CALM2: variants seen among roughly 807,000 people sequenced by gnomAD.
CALM2 encodes the protein calmodulin 2.
Under a neutral mutation model 19.8 loss-of-function variants are expected in CALM2, and 2 were observed. The ratio of observed to expected loss-of-function variants is 0.10; its 90% CI spans 0.04 to 0.32. CALM2 has a LOEUF of 0.32. Among genes scored for constraint, CALM2 ranks in the 10% least tolerant of loss-of-function variants. CALM2 has a pLI of 1.00. For synonymous variants in CALM2, 51 were observed against 52.1 expected (o/e 0.98, Z 0.09); for missense variants, 38 against 178.7 (o/e 0.21, Z 4.49).
chr2:47,172,681 G>A (rs111462821), intron 1 of CALM2: 20 of 309,206 alleles, frequency 6.5e-5, no homozygotes, highest in Non-Finnish European at 1.1e-4. Context: ...CAGATGCAGC[G>A]GACATCACTT....
chr2:47,176,624 A>C (rs1666884896), upstream of CALM2: 1 of 1,512,288 alleles, frequency 6.6e-7, no homozygotes, highest in Non-Finnish European at 8.8e-7. Flanking sequence ...CCCTCCCCTC[A>C]AACTCTTCTC....
chr2:47,176,758 A>T, upstream of CALM2: 1 of 985,386 alleles, frequency 1.0e-6, no homozygotes, highest in Middle Eastern at 5.2e-4. Flanking sequence ...GCGGCCCCTG[A>T]GGGGCGCTAC....
At chr2:47,174,821 G>T (rs1166178683) in intron 1 of CALM2, among the ~76,000 whole-genome samples, 1 of 151,840 alleles carries the variant, frequency 6.6e-6, no homozygotes, top group African/African-American at 2.4e-5. Flanking sequence ...CTTTAAGAAA[G>T]CAAATGTAAC....
chr2:47,163,366 AC>A (rs1263273358), intron 2 of CALM2: 1 of 151,756 alleles, frequency 6.6e-6, no homozygotes, highest in Non-Finnish European at 1.5e-5. Context: ...GAATATTAAA[AC>A]CCCAACCTTA....
chr2:47,176,473 G>T lies in CALM2; in HGVS notation c.-30C>A, dbSNP rs200169692. The T allele has an allele frequency of 7.4e-6, 12 of 1,613,314 alleles. No homozygotes were observed. Among genetic ancestry groups the T allele is most frequent in the African/African-American group, 4.0e-5 (3 of 74,792 alleles). On this transcript the variant is annotated 5_prime_UTR_variant, in exon 1 of 6. Coordinates refer to ENST00000272298, the MANE Select transcript of CALM2 (RefSeq NM_001743.6). ...CAAGCGCTACCGGTTTCCGAGACGCGACCACACAACCACTCAGCTCGCTCT... is the reference window on the plus strand; with the variant it reads ...CAAGCGCTACCGGTTTCCGAGACGCTACCACACAACCACTCAGCTCGCTCT...
chr2:47,176,891 G>GTGCGGCTTCTGCCGTTGC (rs1666894682), upstream of CALM2: 2 of 985,388 alleles, frequency 2.0e-6, no homozygotes, highest in Middle Eastern at 5.2e-4. Context: ...CCGGGACGCG[G>GTGCGGCTTCTGCCGTTGC]TGCGGCTTCT....
chr2:47,170,124 C>A (rs1033301965), intron 2 of CALM2, among the ~76,000 whole-genome samples: 1 of 152,176 alleles, frequency 6.6e-6, no homozygotes, highest in East Asian at 1.9e-4. Flanking sequence ...ATTTTGCATA[C>A]TTCCATAGCA....
upstream of CALM2, chr2:47,176,522 C>G (rs749857782): frequency 4.0e-5 from 64 of 1,596,328 alleles, no homozygotes; most frequent in Non-Finnish European, 5.4e-5. Flanking sequence ...AATTCGCCTC[C>G]TCCGCCCCCA....
intron 1 of CALM2, chr2:47,173,312 T>G (rs571193405): frequency 2.0e-5 from 3 of 152,200 alleles, no homozygotes; most frequent in African/African-American, 7.2e-5. Flanking sequence ...TCAAGCTCAT[T>G]AACATGTATG....
chr2:47,165,935 G>C lies in CALM2; in HGVS notation c.35-3273C>G, dbSNP rs145989129. ...GATTTTTCCTCCATCTCTACAACCA[G>C]TATTTTGGTTCAAGGCTCCATCGTC... On this transcript the variant is annotated intron_variant, in intron 2 of 5. Coordinates refer to ENST00000272298, the MANE Select transcript of CALM2 (RefSeq NM_001743.6). 1.6e-3 allele frequency among the ~76,000 whole-genome samples: 248 copies of C among 152,262 alleles called. 1 individual carries two copies. Among genetic ancestry groups the C allele is most frequent in the African/African-American group, 5.8e-3 (241 of 41,558 alleles).
At chr2:47,160,853 A>C (rs1687133990) in intron 5 of CALM2, 49 bp from the exon 6 acceptor site, 4 of 50,880 alleles carry the variant, frequency 7.9e-5, no homozygotes, top group Non-Finnish European at 1.7e-4. Context: ...AAAAGACCAA[A>C]AAAAAAAAAA....
chr2:47,176,535 G>C, upstream of CALM2: 2 of 1,579,296 alleles, frequency 1.3e-6, no homozygotes, highest in East Asian at 4.7e-5. Context: ...CGCCCCCAGC[G>C]CCTCATAAAC....
In CALM2 at chr2:47,160,676, T is replaced by C. The variant is rs1262876031; in HGVS notation, c.*100A>G. 1.6e-6 allele frequency: 1 copy of C among 636,590 alleles called. No homozygotes were observed. Among genetic ancestry groups the C allele is most frequent in the Non-Finnish European group, 2.7e-6 (1 of 370,970 alleles). The allele number at this position is 636,590 out of a possible 1,614,324, so 39.4% of individuals were successfully genotyped here. On this transcript the variant is annotated 3_prime_UTR_variant, in exon 6 of 6. Transcript: ENST00000272298. ...CCTAATTACTATACATGCATATTTTTTTGACAGTAGGGAGAAACCTTTTAC... is the reference window on the plus strand; with the variant it reads ...CCTAATTACTATACATGCATATTTTCTTGACAGTAGGGAGAAACCTTTTAC...
intron 1 of CALM2, chr2:47,171,046 A>G: frequency 2.9e-6 from 1 of 349,212 alleles, no homozygotes; most frequent in East Asian, 5.0e-5. Flanking sequence ...TAGAATAGCT[A>G]AACTTAAGCT....
At chr2:47,173,843 A>T (rs906104762) in intron 1 of CALM2, 1 of 152,228 alleles carries the variant, frequency 6.6e-6, no homozygotes, top group South Asian at 2.1e-4. Context: ...AATCTAAATT[A>T]TTTCATTAGG....
rs1442461783 is a variant in CALM2 at position 47,160,621 on chromosome 2, A to G, written c.*155T>C. The G allele has an allele frequency of 3.8e-6, 2 of 520,334 alleles. No individual in the cohort carries two copies. Among genetic ancestry groups the G allele is most frequent in the East Asian group, 3.2e-5 (1 of 31,440 alleles). The allele number at this position is 520,334 out of a possible 1,614,324, so 32.2% of individuals were successfully genotyped here. The stretch of plus-strand genomic sequence containing the variant: ...AAGGTTTTAGGACAATGACAGTAAG[A>G]TAAGGGAAGAAAACATGGAGGAATG... On this transcript the variant is annotated 3_prime_UTR_variant, in exon 6 of 6. Transcript: ENST00000272298.
intron 1 of CALM2, chr2:47,172,807 T>TGGGGGGGGGGGGGGGGGGGGGG: frequency 2.7e-5 from 1 of 36,730 alleles, no homozygotes; most frequent in East Asian, 9.4e-4. Flanking sequence ...CTACATGGGT[T>TGGGGGGGGGGGGGGGGGGGGGG]GGGGGGGGGG....
Position 47,161,872 on chromosome 2 carries a change from T to A in CALM2, c.286-14A>T, listed in dbSNP as rs1325884656. ...GCCATTGCCATCCTAGCAAAAAATT[T>A]AGTATAGTTTCTGAGTCAAATTACA... On this transcript the variant is annotated splice_polypyrimidine_tract_variant and intron_variant, in intron 4 of 5. Transcript: ENST00000272298. 4 of 1,600,488 alleles carry A rather than the reference T, an allele frequency of 2.5e-6. No homozygotes were observed. The African/African-American group carries it at 5.4e-5, about 22-fold the overall frequency.
chr2:47,169,789 T>G (rs971842040), intron 2 of CALM2, among the ~76,000 whole-genome samples: 1 of 152,138 alleles, frequency 6.6e-6, no homozygotes, highest in African/African-American at 2.4e-5. Flanking sequence ...TAGTTCCAAC[T>G]GGGCTTCTCA....
Sources: gnomAD v4.1 joint callset for allele counts (sites outside exome capture counted in the v4.1 genomes callset) on GRCh38, gnomAD v4.1.1 for gene constraint, MANE v1.5 for transcripts, NCBI Gene and HGNC (gene_info 2026-07-23, HGNC 2026-07-21) for gene names.